TBC1D31: variants seen among roughly 807,000 people sequenced by gnomAD.
TBC1D31 encodes TBC1 domain family member 31.
A neutral mutation model predicts 132.9 loss-of-function variants in TBC1D31; 99 were observed. That is an observed-to-expected ratio of 0.74 (90% CI 0.63 to 0.88). TBC1D31 has a LOEUF of 0.88. TBC1D31 is among the 40% of genes least tolerant of loss of function. The pLI is 0.00. For missense variants in TBC1D31, 1,134 were observed against 1,256.6 expected (o/e 0.90, Z 1.48); for synonymous variants, 385 against 419.4 (o/e 0.92, Z 1.00).
chr8:123,139,052 C>T (rs1027539422), intron 17 of TBC1D31, among the ~76,000 whole-genome samples: 1 of 151,834 alleles, frequency 6.6e-6, no homozygotes, highest in African/African-American at 2.4e-5. Flanking sequence ...AAGCAGTCCT[C>T]CCACCTTGGC....
At chr8:123,144,574 G>A in intron 19 of TBC1D31, 143 bp from the exon 20 acceptor site, 2 of 816,498 alleles carry the variant, frequency 2.4e-6, no homozygotes, top group Non-Finnish European at 3.7e-6. Flanking sequence ...AGGCACCCCA[G>A]TTACCATAAC....
Position 123,151,878 on chromosome 8 carries a change from G to A in TBC1D31, c.3140G>A (p.Arg1047His), listed in dbSNP as rs181753396. 2.0e-4 allele frequency: 311 copies of A among 1,591,938 alleles called. No individual in the cohort carries two copies. The highest frequency in any genetic ancestry group is 5.5e-4 in the East Asian group (24 of 43,812). Residue 1047 changes from arginine to histidine, a missense_variant, in exon 22 of 22, where the codon CGC becomes CAC. Transcript: ENST00000287380. ...CTTATTAAGAAAGTGAGAAATCTTC[G>A]CCAGAGACTCACTGCCCGGGCTCGT... is the stretch of plus-strand genomic sequence containing the variant. ...QNLIKKVRNL[R>H]QRLTARARHR...
intron 4 of TBC1D31, among the ~76,000 whole-genome samples, chr8:123,092,446 C>G (rs1425665159): frequency 1.3e-5 from 2 of 152,042 alleles, no homozygotes; most frequent in African/African-American, 4.8e-5. Context: ...TTTTTTTACT[C>G]TATATATAGT....
intron 4 of TBC1D31, 28 bp from the exon 5 acceptor site, chr8:123,093,563 A>T (rs748775236): frequency 6.5e-7 from 1 of 1,531,632 alleles, no homozygotes; most frequent in Non-Finnish European, 8.9e-7. Context: ...ACCTTATGTG[A>T]AAACTAACTT....
rs767328265 is a variant in TBC1D31 at position 123,129,255 on chromosome 8, T to A, written c.2270+37T>A. The A allele has an allele frequency of 1.1e-5, 15 of 1,374,918 alleles. No individual in the cohort carries two copies. In the African/African-American group the frequency reaches 2.1e-4, roughly 19 times the overall value. 85.2% of individuals were successfully genotyped at this position (1,374,918 alleles called of 1,614,324 possible). Reference sequence around the variant, plus strand: ...CACTTTAAAAAAAAATCTGGACATATAAGTTAGTTGAATAATTTTTATGTT... The same window carrying A: ...CACTTTAAAAAAAAATCTGGACATAAAAGTTAGTTGAATAATTTTTATGTT... On this transcript the variant is annotated intron_variant, in intron 15 of 21. Coordinates refer to ENST00000287380, the MANE Select transcript of TBC1D31 (RefSeq NM_145647.4).
chr8:123,121,322 G>A (rs1819465553), intron 11 of TBC1D31, among the ~76,000 whole-genome samples: 1 of 150,582 alleles, frequency 6.6e-6, no homozygotes, highest in East Asian at 1.9e-4. Context: ...AGTTCCCTTT[G>A]CGTAGATTTC....
chr8:123,143,977 G>T (rs1004599919), intron 19 of TBC1D31, among the ~76,000 whole-genome samples: 1 of 152,138 alleles, frequency 6.6e-6, no homozygotes, highest in African/African-American at 2.4e-5. Context: ...TGACTACTGC[G>T]TGGCCTTGGG....
At chr8:123,083,681 T>G (rs1353400405) in intron 3 of TBC1D31, 2 of 152,758 alleles carry the variant, frequency 1.3e-5, no homozygotes, top group Non-Finnish European at 2.9e-5. Flanking sequence ...ATATTTTTTG[T>G]TTTTCTCCTT....
the TBC1D31 span, among the ~76,000 whole-genome samples, chr8:123,159,507 G>A: frequency 6.6e-6 from 1 of 152,172 alleles, no homozygotes; most frequent in Non-Finnish European, 1.5e-5. Flanking sequence ...AGAAAGCTAA[G>A]ATTGCCGGAC....
rs1822788323 is a variant in TBC1D31, at chr8:123,151,748, G to A, written c.3068-58G>A. ...CACATTTATCTTTAAAATAAATGCT[G>A]TATCACCGCTAACATCAGAAAACTC... On this transcript the variant is annotated intron_variant, in intron 21 of 21. Transcript: ENST00000287380. The A allele has an allele frequency of 2.7e-6, 4 of 1,454,862 alleles. No individual in the cohort carries two copies. The South Asian group carries it at 4.3e-5, about 16-fold the overall frequency. The allele number at this position is 1,454,862 out of a possible 1,614,324, so 90.1% of individuals were successfully genotyped here.
Position 123,092,075 on chromosome 8 carries a change from C to T in TBC1D31, c.520-1516C>T, listed in dbSNP as rs150731148. On this transcript the variant is annotated intron_variant, in intron 4 of 21. Transcript: ENST00000287380. ...TGTTGCCCAGGCTGGAGTGCAGTGGCGCAATCTCAGCTCATTGCAACCTCC... is the reference window on the plus strand; with the variant it reads ...TGTTGCCCAGGCTGGAGTGCAGTGGTGCAATCTCAGCTCATTGCAACCTCC... Among the ~76,000 whole-genome samples the T allele has an allele frequency of 6.4e-4, 97 of 152,188 alleles. 4 individuals carry two copies. The East Asian group carries it at 0.017, about 26-fold the overall frequency.
chr8:123,152,439 C>G (rs1168312359), downstream of TBC1D31, among the ~76,000 whole-genome samples: 1 of 152,150 alleles, frequency 6.6e-6, no homozygotes, highest in Non-Finnish European at 1.5e-5. Flanking sequence ...CTCCTTCTGC[C>G]CTCTGCCTGC....
At chr8:123,073,837 C>T (rs1247162030) in intron 1 of TBC1D31, among the ~76,000 whole-genome samples, 1 of 151,234 alleles carries the variant, frequency 6.6e-6, no homozygotes, top group African/African-American at 2.4e-5. Context: ...TGGCGCGCGC[C>T]ACTACGCCCG....
intron 16 of TBC1D31, among the ~76,000 whole-genome samples, chr8:123,131,842 AGAT>A (rs1289909146): frequency 2.6e-5 from 4 of 152,218 alleles, no homozygotes; most frequent in Non-Finnish European, 5.9e-5. Flanking sequence ...CCAAGCAGAT[AGAT>A]GACAAATCGT....
intron 16 of TBC1D31, among the ~76,000 whole-genome samples, chr8:123,131,388 G>A (rs974071097): frequency 7.1e-6 from 1 of 141,210 alleles, no homozygotes; most frequent in Non-Finnish European, 1.6e-5. Flanking sequence ...AAAAAAAAAG[G>A]TTAATTACAT....
chr8:123,159,850 T>C, the TBC1D31 span, among the ~76,000 whole-genome samples: 1 of 151,768 alleles, frequency 6.6e-6, no homozygotes, highest in Non-Finnish European at 1.5e-5. Context: ...AACTGTATGG[T>C]TGGAGGTAGG....
In TBC1D31 at chr8:123,081,196, T is replaced by G. The variant is rs899088336; in HGVS notation, c.225-1506T>G. Among the ~76,000 whole-genome samples the G allele has an allele frequency of 3.9e-5, 6 of 152,226 alleles. No homozygotes were observed. The East Asian group carries it at 1.2e-3, about 29-fold the overall frequency. ...CATTTTTCCCCCTTATTTTACTGAC[T>G]CTTCTTCCAGTGCCTTCCCCTTTCA... On this transcript the variant is annotated intron_variant, in intron 2 of 21. Transcript: ENST00000287380.
At chr8:123,141,080 C>A (rs1233746508) in intron 18 of TBC1D31, among the ~76,000 whole-genome samples, 179 bp downstream of exon 18, 1 of 152,164 alleles carries the variant, frequency 6.6e-6, no homozygotes, top group Non-Finnish European at 1.5e-5. Context: ...GCTTACTTCA[C>A]TGACAATCAC....
At chr8:123,101,178 A>C in intron 7 of TBC1D31, 171 bp downstream of exon 7, 2 of 527,546 alleles carry the variant, frequency 3.8e-6, no homozygotes, top group Non-Finnish European at 6.8e-6. Context: ...TTGATTTCTC[A>C]CGTATGCTCC....
Sources: allele counts gnomAD v4.1 joint callset (sites outside exome capture counted in the v4.1 genomes callset), GRCh38; gene constraint gnomAD v4.1.1; transcripts MANE v1.5; gene names NCBI Gene and HGNC (gene_info 2026-07-23, HGNC 2026-07-21).